Variants in PDE11A observed in about 807,000 individuals in gnomAD.
The protein encoded by PDE11A is dual 3',5'-cyclic-AMP and -GMP phosphodiesterase 11A.
A neutral mutation model predicts 100.5 loss-of-function variants in PDE11A; 100 were observed. That is an observed-to-expected ratio of 1.00 (90% CI 0.85 to 1.18). The LOEUF is 1.18. PDE11A is among the 50% of genes most tolerant of loss of function. The pLI is 0.00. For missense variants in PDE11A, 1,141 were observed against 1,152.6 expected, an observed-to-expected ratio of 0.99 and a Z score of 0.15; for synonymous variants, 381 against 420.8, an observed-to-expected ratio of 0.91 and a Z score of 1.16.
chr2:177,965,695 C>T (rs1039852333), intron 2 of PDE11A, among the ~76,000 whole-genome samples: 2 of 152,074 alleles, frequency 1.3e-5, no homozygotes, highest in Non-Finnish European at 2.9e-5. Context: ...TTTCTGGGTT[C>T]TCTAACCTGT....
chr2:178,032,895 C>A (rs1403465519), intron 1 of PDE11A, among the ~76,000 whole-genome samples: 1 of 152,160 alleles, frequency 6.6e-6, no homozygotes, highest in African/African-American at 2.4e-5. Context: ...CAAAGATCAT[C>A]AGCCTCAAAG....
intron 9 of PDE11A, among the ~76,000 whole-genome samples, chr2:177,804,957 T>C (rs1574159813): frequency 1.3e-5 from 2 of 151,690 alleles, no homozygotes; most frequent in East Asian, 3.9e-4. Flanking sequence ...CGGGTGAGAA[T>C]TGAAAAATTA....
At chr2:177,941,706 G>A (rs916916750) in intron 2 of PDE11A, among the ~76,000 whole-genome samples, 1 of 152,092 alleles carries the variant, frequency 6.6e-6, no homozygotes, top group African/African-American at 2.4e-5. Context: ...TGGTGCACAC[G>A]GATTGGAGAT....
At chr2:177,903,670 C>T (rs889787474) in intron 3 of PDE11A, among the ~76,000 whole-genome samples, 5 of 152,056 alleles carry the variant, frequency 3.3e-5, no homozygotes, top group African/African-American at 1.2e-4. Context: ...AGAATAGTGG[C>T]AGTAGATACA....
At chr2:177,931,015 C>G (rs2085198496) in intron 2 of PDE11A, among the ~76,000 whole-genome samples, 1 of 152,152 alleles carries the variant, frequency 6.6e-6, no homozygotes, top group East Asian at 1.9e-4. Context: ...TCCATAGATC[C>G]CACACTTTTC....
At chr2:178,106,909 G>A (rs1466484532) in intron 1 of PDE11A, among the ~76,000 whole-genome samples, 3 of 140,680 alleles carry the variant, frequency 2.1e-5, no homozygotes, top group Admixed American at 1.5e-4. Context: ...GCAGTGAGCC[G>A]AGATCGTGTC....
chr2:177,811,778 T>C (rs555614384), intron 9 of PDE11A, among the ~76,000 whole-genome samples: 1 of 152,244 alleles, frequency 6.6e-6, no homozygotes, highest in East Asian at 1.9e-4. Context: ...ACATGTATAG[T>C]AACACAGGCT....
intron 9 of PDE11A, among the ~76,000 whole-genome samples, chr2:177,776,001 T>C (rs182188089): frequency 1.4e-4 from 22 of 152,320 alleles, no homozygotes; most frequent in African/African-American, 4.8e-4. Context: ...TTAGTAAATA[T>C]TTAATGAATC....
intron 2 of PDE11A, among the ~76,000 whole-genome samples, chr2:177,957,910 C>CTTTTTCTTTTTTTTTTTTTTTTTT (rs2085584740): frequency 8.7e-6 from 1 of 114,468 alleles, no homozygotes; most frequent in African/African-American, 4.1e-5. Flanking sequence ...TTTCCAATGC[C>CTTTTTCTTTTTTTTTTTTTTTTTT]TTTTTTTTGA....
chr2:177,788,484 A>G (rs1422326386), intron 9 of PDE11A, among the ~76,000 whole-genome samples: 3 of 151,680 alleles, frequency 2.0e-5, no homozygotes, highest in African/African-American at 7.3e-5. Context: ...AAGAACTAGA[A>G]AAGCAAGAGC....
intron 1 of PDE11A, among the ~76,000 whole-genome samples, chr2:178,038,711 C>T (rs1170819097): frequency 2.0e-5 from 3 of 152,076 alleles, no homozygotes; most frequent in Non-Finnish European, 4.4e-5. Flanking sequence ...GTAGCCTGTT[C>T]TTTTCTTGGC....
intron 15 of PDE11A, chr2:177,686,934 C>CT (rs2080961068): frequency 6.6e-6 from 1 of 151,982 alleles, no homozygotes; most frequent in African/African-American, 2.4e-5. Context: ...CCAGGCTGAT[C>CT]TTGAACTCCT....
At chr2:177,799,452 A>G (rs1370660) in intron 9 of PDE11A, among the ~76,000 whole-genome samples, 146,151 of 152,232 alleles carry the variant, frequency 0.96, 70,432 homozygotes, top group Middle Eastern at 1. Context: ...CTAAACTGTC[A>G]TAAAATATAA....
At chr2:177,697,481 T>C (rs2081130896) in intron 14 of PDE11A, 49 bp from the exon 15 acceptor site, 4 of 897,184 alleles carry the variant, frequency 4.5e-6, no homozygotes, top group Non-Finnish European at 7.6e-6. Flanking sequence ...TCTGTGGTTG[T>C]TGATTACATG....
chr2:177,946,031 C>T (rs1351996471), intron 2 of PDE11A, among the ~76,000 whole-genome samples: 684 of 145,712 alleles, frequency 4.7e-3, no homozygotes, highest in Middle Eastern at 0.018. Context: ...CCCGGCCAGC[C>T]GCCCCGTCCG....
chr2:177,653,972 T>A (rs2080345445), intron 19 of PDE11A, among the ~76,000 whole-genome samples: 1 of 152,198 alleles, frequency 6.6e-6, no homozygotes. Context: ...GGAGATTACT[T>A]CCTTCTTAGC....
At chr2:177,980,886 A>G (rs2085872137) in intron 2 of PDE11A, among the ~76,000 whole-genome samples, 1 of 95,966 alleles carries the variant, frequency 1.0e-5, no homozygotes, top group African/African-American at 8.9e-5. Context: ...GAATTTCAAG[A>G]GCAATTCTTT....
intron 2 of PDE11A, among the ~76,000 whole-genome samples, chr2:177,936,672 G>A (rs1431968198): frequency 6.6e-6 from 1 of 152,196 alleles, no homozygotes; most frequent in African/African-American, 2.4e-5. Context: ...TGTAATCCCA[G>A]CACTTTGGTA....
At chr2:177,638,597 A>AT (rs541442650) in intron 19 of PDE11A, among the ~76,000 whole-genome samples, 10,114 of 152,026 alleles carry the variant, frequency 0.067, 430 homozygotes, top group Non-Finnish European at 0.094. Flanking sequence ...TGGGTGATGG[A>AT]TTTTTTTTCC....
Sources: allele counts gnomAD v4.1 joint callset (sites outside exome capture counted in the v4.1 genomes callset), GRCh38; gene constraint gnomAD v4.1.1; transcripts MANE v1.5; gene names NCBI Gene and HGNC (gene_info 2026-07-23, HGNC 2026-07-21).